GRM8: variants seen among roughly 807,000 people sequenced by gnomAD.
GRM8 encodes metabotropic glutamate receptor 8.
GRM8 carries 47 observed loss-of-function variants against 87.2 expected under a neutral mutation model. The ratio of observed to expected loss-of-function variants is 0.54; its 90% CI spans 0.43 to 0.69. The LOEUF (loss-of-function observed/expected upper bound fraction) is 0.69. Ranked by LOEUF, GRM8 falls within the 30% of genes least tolerant of loss-of-function variation. The probability of loss-of-function intolerance (pLI) is 0.00; values close to 1 mark genes in which losing one functional copy is unlikely to be tolerated. For missense variants in GRM8, 1,019 were observed against 1,139.2 expected (o/e 0.89, Z 1.52); for synonymous variants, 396 against 404.5 (o/e 0.98, Z 0.25).
At chr7:127,119,509 CACACACAT>C (rs1826904782) in intron 2 of GRM8, among the ~76,000 whole-genome samples, 2 of 151,710 alleles carry the variant, frequency 1.3e-5, no homozygotes, top group African/African-American at 4.8e-5. Flanking sequence ...CTCACACACA[CACACACAT>C]GCACACACAC....
At chr7:126,763,102 A>G (rs1817763989) in intron 7 of GRM8, among the ~76,000 whole-genome samples, 1 of 110,094 alleles carries the variant, frequency 9.1e-6, no homozygotes, top group African/African-American at 4.2e-5. Context: ...ATGTTTTGAC[A>G]CAACACCCCC....
chr7:127,051,582 T>C (rs557387560), intron 3 of GRM8, among the ~76,000 whole-genome samples: 6 of 152,148 alleles, frequency 3.9e-5, no homozygotes, highest in African/African-American at 1.4e-4. Flanking sequence ...ACATTCTTTT[T>C]GTTAATTATG....
chr7:126,560,931 C>T (rs1793625482), intron 8 of GRM8, among the ~76,000 whole-genome samples: 1 of 152,136 alleles, frequency 6.6e-6, no homozygotes, highest in Non-Finnish European at 1.5e-5. Context: ...CTTTTTCAAT[C>T]CTCTCTTTAA....
At chr7:126,703,837 T>C (rs1810205274) in intron 7 of GRM8, among the ~76,000 whole-genome samples, 1 of 152,182 alleles carries the variant, frequency 6.6e-6, no homozygotes. Context: ...GCTGAGATTA[T>C]AGGCTTAAGC....
At chr7:127,011,457 T>A (rs145268369) in intron 3 of GRM8, among the ~76,000 whole-genome samples, 1 of 152,308 alleles carries the variant, frequency 6.6e-6, no homozygotes, top group African/African-American at 2.4e-5. Flanking sequence ...ACTTAGGATG[T>A]GCAGTTGTGA....
At chr7:126,623,634 C>A (rs759200407) in intron 7 of GRM8, among the ~76,000 whole-genome samples, 2 of 152,196 alleles carry the variant, frequency 1.3e-5, no homozygotes, top group Non-Finnish European at 2.9e-5. Context: ...ATCTGGCCTC[C>A]TCTTCAACTG....
chr7:126,546,682 T>A (rs1817194611), intron 8 of GRM8, among the ~76,000 whole-genome samples: 1 of 152,202 alleles, frequency 6.6e-6, no homozygotes, highest in Non-Finnish European at 1.5e-5. Context: ...CACAGGACAC[T>A]TAGAATAAGG....
intron 2 of GRM8, among the ~76,000 whole-genome samples, chr7:127,133,389 G>A (rs1163710331): frequency 6.6e-6 from 1 of 152,044 alleles, no homozygotes; most frequent in Admixed American, 6.5e-5. Context: ...TTGCACACCA[G>A]CCTGGGCAAC....
At chr7:126,852,106 C>G (rs1797266969) in intron 6 of GRM8, among the ~76,000 whole-genome samples, 1 of 152,068 alleles carries the variant, frequency 6.6e-6, no homozygotes. Context: ...TTTCTGGTTC[C>G]GATCTCATTC....
intron 2 of GRM8, among the ~76,000 whole-genome samples, chr7:127,118,798 T>C (rs1452412665): frequency 6.6e-6 from 1 of 152,206 alleles, no homozygotes; most frequent in Non-Finnish European, 1.5e-5. Flanking sequence ...AGTAGCTTTT[T>C]TTCCCACAGG....
chr7:127,058,228 G>T, intron 3 of GRM8: 1 of 464,304 alleles, frequency 2.2e-6, no homozygotes. Flanking sequence ...CCTGGCCCCA[G>T]GAAGGGCAAG....
At chr7:126,621,149 A>G (rs1442385394) in intron 7 of GRM8, among the ~76,000 whole-genome samples, 1 of 152,144 alleles carries the variant, frequency 6.6e-6, no homozygotes, top group Non-Finnish European at 1.5e-5. Flanking sequence ...TCCTTATCCA[A>G]TTTACTTTAC....
At chr7:127,224,037 TG>T (rs2116743495) in intron 2 of GRM8, among the ~76,000 whole-genome samples, 1 of 150,716 alleles carries the variant, frequency 6.6e-6, no homozygotes, top group African/African-American at 2.4e-5. Context: ...TAAATTAGGC[TG>T]GGGAAAAAAA....
chr7:126,836,465 A>G (rs1206871003), intron 6 of GRM8, among the ~76,000 whole-genome samples: 1 of 152,180 alleles, frequency 6.6e-6, no homozygotes, highest in Non-Finnish European at 1.5e-5. Flanking sequence ...TCCATAACAT[A>G]GCCCACAATA....
intron 6 of GRM8, among the ~76,000 whole-genome samples, chr7:126,897,526 G>A (rs970693270): frequency 2.6e-5 from 4 of 151,978 alleles, no homozygotes; most frequent in Non-Finnish European, 4.4e-5. Flanking sequence ...TGGGTGTCTG[G>A]GTTTTGGAGA....
At chr7:127,139,876 T>A (rs2283096) in intron 2 of GRM8, among the ~76,000 whole-genome samples, 26,444 of 151,972 alleles carry the variant, frequency 0.17, 2,492 homozygotes, top group Non-Finnish European at 0.21. Flanking sequence ...TTACACAGAA[T>A]CCCATGGAAG....
chr7:126,460,367 A>C (rs1803760793), intron 9 of GRM8, among the ~76,000 whole-genome samples: 1 of 151,602 alleles, frequency 6.6e-6, no homozygotes, highest in South Asian at 2.1e-4. Flanking sequence ...CCCCATGTTG[A>C]AGATTCAATT....
Position 126,585,845 on chromosome 7 carries a change from A to T in GRM8, c.1494+23517T>A, listed in dbSNP as rs542795817. Among the ~76,000 whole-genome samples, 7 of 152,314 alleles carry T rather than the reference A, an allele frequency of 4.6e-5. No homozygotes were observed. In the South Asian group the frequency reaches 1.5e-3, roughly 32 times the overall value. On this transcript the variant is annotated intron_variant, in intron 8 of 10. Coordinates refer to ENST00000339582, the MANE Select transcript of GRM8 (RefSeq NM_000845.3). Reference sequence around the variant, plus strand: ...GTTATGGCCAGGGTAATCAGGCAGGAGAAAGAAATAAAGGGTATTCAATTA... The same window carrying T: ...GTTATGGCCAGGGTAATCAGGCAGGTGAAAGAAATAAAGGGTATTCAATTA...
At chr7:127,207,291 T>C (rs1479522478) in intron 2 of GRM8, among the ~76,000 whole-genome samples, 2 of 152,174 alleles carry the variant, frequency 1.3e-5, no homozygotes, top group African/African-American at 4.8e-5. Flanking sequence ...AGGACCCTTA[T>C]TCCCAAGTTT....
Sources: allele counts gnomAD v4.1 joint callset (sites outside exome capture counted in the v4.1 genomes callset), GRCh38; gene constraint gnomAD v4.1.1; transcripts MANE v1.5; gene names NCBI Gene and HGNC (gene_info 2026-07-23, HGNC 2026-07-21).